Variants in CFDP1 observed in about 807,000 individuals in gnomAD.
CFDP1 encodes the protein chromatin remodeling protein CFDP1.
A neutral mutation model predicts 40.1 loss-of-function variants in CFDP1; 31 were observed. The observed-to-expected ratio is 0.77, with a 90% CI of 0.58 to 1.04. The LOEUF (loss-of-function observed/expected upper bound fraction) is 1.04. Ranked by LOEUF, CFDP1 falls within the 50% of genes least tolerant of loss-of-function variation. The probability of loss-of-function intolerance (pLI) is 0.00; values close to 1 mark genes in which losing one functional copy is unlikely to be tolerated. For missense variants in CFDP1, 423 were observed against 343.4 expected, an observed-to-expected ratio of 1.23 and a Z score of -1.83; for synonymous variants, 167 against 120.0, an observed-to-expected ratio of 1.39 and a Z score of -2.56.
intron 5 of CFDP1, among the ~76,000 whole-genome samples, chr16:75,358,419 T>A (rs1214632314): frequency 2.6e-5 from 4 of 152,118 alleles, no homozygotes; most frequent in Admixed American, 6.5e-5. Context: ...AAAGCTTTTT[T>A]AATAAAAAAA....
intron 5 of CFDP1, among the ~76,000 whole-genome samples, chr16:75,313,202 T>C (rs2078305545): frequency 6.6e-6 from 1 of 152,212 alleles, no homozygotes; most frequent in African/African-American, 2.4e-5. Flanking sequence ...GTTAGGAAAG[T>C]GCAGATCCTC....
At chr16:75,363,381 A>C (rs537343722) in intron 5 of CFDP1, among the ~76,000 whole-genome samples, 1 of 151,490 alleles carries the variant, frequency 6.6e-6, no homozygotes, top group South Asian at 2.1e-4. Flanking sequence ...GAACAAATGC[A>C]GGAAGCACTT....
intron 5 of CFDP1, among the ~76,000 whole-genome samples, chr16:75,370,023 C>A (rs1251694499): frequency 2.6e-5 from 4 of 151,984 alleles, no homozygotes. Context: ...ATCTGCCCAC[C>A]TCGGCTCTCA....
chr16:75,425,472 G>A (rs902357105), intron 1 of CFDP1, among the ~76,000 whole-genome samples: 3 of 151,160 alleles, frequency 2.0e-5, no homozygotes, highest in African/African-American at 7.3e-5. Context: ...GAATAAAGTT[G>A]GAGTACTCTC....
At chr16:75,374,199 A>G (rs1231119047) in intron 5 of CFDP1, among the ~76,000 whole-genome samples, 1 of 152,014 alleles carries the variant, frequency 6.6e-6, no homozygotes, top group African/African-American at 2.4e-5. Context: ...GTTGCAATGA[A>G]CCGAGATCGC....
chr16:75,323,322 C>T (rs955605233), intron 5 of CFDP1, among the ~76,000 whole-genome samples: 6 of 151,924 alleles, frequency 3.9e-5, no homozygotes, highest in Non-Finnish European at 7.4e-5. Flanking sequence ...CTTATTTTGT[C>T]CCATTGGAAA....
intron 5 of CFDP1, among the ~76,000 whole-genome samples, chr16:75,331,020 A>G (rs568696473): frequency 2.0e-4 from 30 of 151,088 alleles, no homozygotes; most frequent in African/African-American, 6.8e-4. Context: ...GGCTACCTCA[A>G]TGGGCAATGG....
chr16:75,412,648 C>T lies in CFDP1; in HGVS notation c.289G>A (p.Glu97Lys). The change falls in exon 3 of 7, where the codon GAA becomes AAA. Residue 97 changes from glutamate to lysine, a missense_variant. By Grantham distance (56) the Glu-to-Lys change is moderately conservative (BLOSUM62 1). Transcript: ENST00000283882. ...GCATCCTCTGATCCAATGCCTTTTT[C>T]CTGCTCTGCAGCGTCATCTTCCTCC... Reference protein sequence around the residue: ...SEEEDDAAEQEKGIGSEDARK... With the variant: ...SEEEDDAAEQKKGIGSEDARK... 1.2e-6 allele frequency: 2 copies of T among 1,614,122 alleles called. No individual in the cohort carries two copies. Among genetic ancestry groups the T allele is most frequent in the Non-Finnish European group, 1.7e-6 (2 of 1,180,030 alleles).
intron 5 of CFDP1, chr16:75,372,655 A>G (rs1183087363): frequency 6.6e-6 from 1 of 152,220 alleles, no homozygotes; most frequent in East Asian, 1.9e-4. Flanking sequence ...TACTTGCTCA[A>G]CTGTTTGCAA....
intron 5 of CFDP1, among the ~76,000 whole-genome samples, chr16:75,335,838 G>C (rs147657744): frequency 0.067 from 10,132 of 152,148 alleles, 364 homozygotes; most frequent in Middle Eastern, 0.13. Context: ...TTACAGGTGT[G>C]AGCCACCGCG....
intron 4 of CFDP1, among the ~76,000 whole-genome samples, chr16:75,400,993 G>A (rs1006560677): frequency 2.0e-5 from 3 of 152,202 alleles, no homozygotes; most frequent in African/African-American, 7.2e-5. Flanking sequence ...AACACTGGAT[G>A]CAGCTAATTT....
At chr16:75,318,603 A>G (rs2078341122) in intron 5 of CFDP1, among the ~76,000 whole-genome samples, 1 of 151,816 alleles carries the variant, frequency 6.6e-6, no homozygotes, top group Non-Finnish European at 1.5e-5. Context: ...ACTGGGTTTC[A>G]CCGTGTTAGC....
chr16:75,307,972 T>A (rs79927263), intron 5 of CFDP1, among the ~76,000 whole-genome samples: 1 of 152,326 alleles, frequency 6.6e-6, no homozygotes, highest in Non-Finnish European at 1.5e-5. Context: ...ACACTGATCT[T>A]TTCTTTAGAT....
chr16:75,422,387 G>A (rs1056220743), intron 1 of CFDP1, among the ~76,000 whole-genome samples: 15 of 146,410 alleles, frequency 1.0e-4, no homozygotes, highest in East Asian at 2.0e-4. Context: ...GAGCCACTGC[G>A]TATGGCCTCT....
chr16:75,427,568 T>TAAAACA (rs1236072985), intron 1 of CFDP1, among the ~76,000 whole-genome samples: 2 of 152,072 alleles, frequency 1.3e-5, no homozygotes, highest in South Asian at 2.1e-4. Flanking sequence ...AGCTAATATT[T>TAAAACA]AAAACAAAAA....
intron 5 of CFDP1, among the ~76,000 whole-genome samples, chr16:75,324,238 C>A (rs1323067928): frequency 6.6e-6 from 1 of 151,936 alleles, no homozygotes; most frequent in Non-Finnish European, 1.5e-5. Context: ...GGGGAGGTGT[C>A]TGAGAGTTGA....
intron 5 of CFDP1, among the ~76,000 whole-genome samples, chr16:75,371,266 G>C (rs1018582425): frequency 6.6e-6 from 1 of 152,170 alleles, no homozygotes; most frequent in Non-Finnish European, 1.5e-5. Context: ...AATGTCTCTA[G>C]ACACTGCCAA....
At chr16:75,328,888 C>T (rs1327527314) in intron 5 of CFDP1, among the ~76,000 whole-genome samples, 4 of 148,592 alleles carry the variant, frequency 2.7e-5, no homozygotes, top group South Asian at 2.2e-4. Flanking sequence ...CTCTTGTTGC[C>T]CAGGCTGGAA....
At chr16:75,387,833 G>A (rs907450090) in intron 5 of CFDP1, among the ~76,000 whole-genome samples, 26 of 151,458 alleles carry the variant, frequency 1.7e-4, no homozygotes, top group African/African-American at 6.3e-4. Flanking sequence ...TTTTTAAAAT[G>A]TGCTAGACCT....
Sources: gnomAD v4.1 joint callset for allele counts (sites outside exome capture counted in the v4.1 genomes callset) on GRCh38, gnomAD v4.1.1 for gene constraint, MANE v1.5 for transcripts, NCBI Gene and HGNC (gene_info 2026-07-23, HGNC 2026-07-21) for gene names.